The following MCPH1 variants were observed in gnomAD, a reference collection of about 807,000 sequenced individuals.
MCPH1 encodes the protein microcephalin 1, also known as microcephalin.
MCPH1 carries 104 observed loss-of-function variants against 84.5 expected under a neutral mutation model. That is an observed-to-expected ratio of 1.23 (90% CI 1.05 to 1.45). MCPH1 has a LOEUF of 1.45. Ranked by LOEUF, MCPH1 falls within the 40% of genes most tolerant of loss-of-function variation. The pLI is 0.00. For synonymous variants in MCPH1, 514 were observed against 366.8 expected (o/e 1.40, Z -4.58); for missense variants, 1,498 against 1,005.7 (o/e 1.49, Z -6.62).
chr8:6,593,529 T>C (rs762042378), intron 12 of MCPH1, among the ~76,000 whole-genome samples: 1 of 152,048 alleles, frequency 6.6e-6, no homozygotes, highest in Non-Finnish European at 1.5e-5. Context: ...TAATTTTGTA[T>C]TTTTAATAAA....
intron 12 of MCPH1, chr8:6,507,879 G>C (rs972821612): frequency 6.6e-6 from 1 of 151,916 alleles, no homozygotes; most frequent in African/African-American, 2.4e-5. Flanking sequence ...CACCGGGCCC[G>C]GCCAGAAAAA....
rs1805547480 is a variant in MCPH1, at chr8:6,455,225, A to G, written c.1908A>G (p.Glu636=). The change falls in exon 9 of 14, where the codon GAA becomes GAG. Residue 636 remains glutamate (E), a synonymous_variant. Transcript: ENST00000344683. ...GFKDLIKPHE[E]LKKSGRGKKP... Reference sequence around the variant, plus strand: ...AGGACCTCATCAAACCTCATGAGGAATTGAAGAAAAGTGGGAGAGGCAAAA... The same window carrying G: ...AGGACCTCATCAAACCTCATGAGGAGTTGAAGAAAAGTGGGAGAGGCAAAA... The G allele has an allele frequency of 6.2e-7, 1 of 1,613,582 alleles. No individual in the cohort carries two copies. Among genetic ancestry groups the G allele is most frequent in the African/African-American group, 1.3e-5 (1 of 74,942 alleles).
At chr8:6,435,265 T>G (rs939279306) in intron 4 of MCPH1, among the ~76,000 whole-genome samples, 2 of 152,158 alleles carry the variant, frequency 1.3e-5, no homozygotes, top group African/African-American at 4.8e-5. Context: ...GTGAGAATAG[T>G]GCTACCAAGC....
intron 12 of MCPH1, among the ~76,000 whole-genome samples, chr8:6,557,819 C>T (rs1477705776): frequency 3.3e-5 from 5 of 152,022 alleles, no homozygotes; most frequent in Admixed American, 2.0e-4. Context: ...ACAGTCTGTC[C>T]GTGTTCATGA....
chr8:6,505,307 A>T lies in MCPH1; in HGVS notation c.2214+5378A>T, dbSNP rs1262469095. Among the ~76,000 whole-genome samples the T allele has an allele frequency of 2.7e-3, 123 of 45,556 alleles. 4 individuals carry two copies. Among genetic ancestry groups the T allele is most frequent in the African/African-American group, 0.012 (98 of 8,176 alleles). 29.9% of individuals were successfully genotyped at this position (45,556 alleles called of 152,430 possible). Reference sequence around the variant, plus strand: ...ATATGTTATATACATATATATGTATATAACATATATATGTTATATACATAT... The same window carrying T: ...ATATGTTATATACATATATATGTATTTAACATATATATGTTATATACATAT... On this transcript the variant is annotated intron_variant, in intron 12 of 13. Transcript: ENST00000344683.
chr8:6,445,013 C>A lies in MCPH1; in HGVS notation c.1291C>A (p.Pro431Thr), dbSNP rs376658910. ...LKERYSENLP[P>T]ESQLPSSPAQ... is the part of the protein sequence containing the mutation. ...GGAAAGGTATTCAGAGAATCTTCCT[C>A]CTGAATCTCAGCTGCCATCAAGCCC... Residue 431 changes from proline (P) to threonine (T), a missense_variant, in exon 8 of 14, where the codon CCT becomes ACT. Coordinates refer to ENST00000344683, the MANE Select transcript of MCPH1 (RefSeq NM_024596.5). 4 of 1,614,204 alleles carry A rather than the reference C, an allele frequency of 2.5e-6. No individual in the cohort carries two copies. The Admixed American group carries it at 6.7e-5, about 27-fold the overall frequency.
rs189933566 is a variant in MCPH1 at position 6,641,277 on chromosome 8, G to T, written c.2453-1717G>T. On this transcript the variant is annotated intron_variant, in intron 13 of 13. Transcript: ENST00000344683. The stretch of plus-strand genomic sequence containing the variant: ...ACTAAGTGTAAAAATTGAATCCATA[G>T]AGTTTTTACAACCTGGAAGAAAATA... Among the ~76,000 whole-genome samples, 4 of 152,256 alleles carry T rather than the reference G, an allele frequency of 2.6e-5. No individual in the cohort carries two copies. The East Asian group carries it at 7.7e-4, about 29-fold the overall frequency.
intron 13 of MCPH1, chr8:6,626,895 G>A (rs944202920): frequency 1.7e-5 from 17 of 984,370 alleles, no homozygotes; most frequent in East Asian, 1.1e-4. Flanking sequence ...ACTCTCAGGC[G>A]CCCTTTTATT....
rs3214738 is a variant in MCPH1 at position 6,415,019 on chromosome 8, TG to T, written c.233+137del. 641,648 of 860,034 alleles carry T rather than the reference TG, an allele frequency of 0.75. 247,802 individuals are homozygous for T. The highest frequency in any genetic ancestry group is 0.81 in the Admixed American group (34,781 of 43,168). 53.3% of individuals were successfully genotyped at this position (860,034 alleles called of 1,614,324 possible). On this transcript the variant is annotated intron_variant, in intron 3 of 13. Transcript: ENST00000344683. Reference sequence around the variant, plus strand: ...CTGCCTCTTACCTCACCTAGTAATTTGAAATCCTCCAGCCTCAATTTCTGTG... The same window carrying T: ...CTGCCTCTTACCTCACCTAGTAATTTAAATCCTCCAGCCTCAATTTCTGTG...
At chr8:6,631,616 A>G (rs1426639852) in intron 13 of MCPH1, among the ~76,000 whole-genome samples, 2 of 152,098 alleles carry the variant, frequency 1.3e-5, no homozygotes, top group East Asian at 3.9e-4. Flanking sequence ...ACAATGAGAT[A>G]GCACCTCAGC....
intron 12 of MCPH1, among the ~76,000 whole-genome samples, chr8:6,572,812 A>G (rs1826769810): frequency 6.6e-6 from 1 of 152,236 alleles, no homozygotes. Flanking sequence ...ATGCACAAGC[A>G]CTGCTGCCTA....
Position 6,522,179 on chromosome 8 carries a change from C to T in MCPH1, c.2214+22250C>T, listed in dbSNP as rs150230282. 9.3e-3 allele frequency among the ~76,000 whole-genome samples: 1,414 copies of T among 151,956 alleles called. 26 individuals carry two copies. The highest frequency in any genetic ancestry group is 0.032 in the African/African-American group (1,345 of 41,444). On this transcript the variant is annotated intron_variant, in intron 12 of 13. Transcript: ENST00000344683. ...GAGTATCCTGGCTAACACGGTGAAA[C>T]CCCGTCTCCACTAAAAATACAAAAA...
At chr8:6,407,632 G>C (rs1797930172) in intron 1 of MCPH1, among the ~76,000 whole-genome samples, 1 of 152,180 alleles carries the variant, frequency 6.6e-6, no homozygotes, top group Admixed American at 6.5e-5. Context: ...TTTATACAAA[G>C]TCTGTAATCA....
At chr8:6,524,335 G>C (rs919434945) in intron 12 of MCPH1, among the ~76,000 whole-genome samples, 9 of 152,162 alleles carry the variant, frequency 5.9e-5, no homozygotes, top group Non-Finnish European at 1.2e-4. Context: ...TTAGAAGCTG[G>C]TGAAATATTC....
At chr8:6,529,453 CTTTTTTTTTTT>C (rs200029751) in intron 12 of MCPH1, among the ~76,000 whole-genome samples, 1 of 136,034 alleles carries the variant, frequency 7.4e-6, no homozygotes, top group East Asian at 2.1e-4. Flanking sequence ...AGCCATTTTT[CTTTTTTTTTTT>C]TTTTTGAGAC....
In MCPH1 at chr8:6,623,013, CTT is replaced by C. The variant is rs1164226735; in HGVS notation, c.2452+1341_2452+1342del. 6.9e-3 allele frequency among the ~76,000 whole-genome samples: 756 copies of C among 109,888 alleles called. 8 individuals are homozygous for C. Among genetic ancestry groups the C allele is most frequent in the African/African-American group, 0.025 (710 of 27,950 alleles). The allele number at this position is 109,888 out of a possible 152,430, so 72.1% of individuals were successfully genotyped here. A position where few individuals can be genotyped will look rare whatever the true frequency, so the allele number is the denominator to read the frequency against. ...ACACCACGATGCCCAGCTTTACTTT[CTT>C]TTTTTTTTTTTTTTTTTTGTAGAGA... is the stretch of plus-strand genomic sequence containing the variant. On this transcript the variant is annotated intron_variant, in intron 13 of 13. Coordinates refer to ENST00000344683, the MANE Select transcript of MCPH1 (RefSeq NM_024596.5).
At chr8:6,602,292 C>T (rs1227603379) in intron 12 of MCPH1, among the ~76,000 whole-genome samples, 1 of 152,160 alleles carries the variant, frequency 6.6e-6, no homozygotes, top group East Asian at 1.9e-4. Flanking sequence ...CGGGCTGGAG[C>T]AGGAGAGGGA....
intron 12 of MCPH1, chr8:6,503,137 C>G: frequency 6.2e-7 from 1 of 1,614,186 alleles, no homozygotes; most frequent in Non-Finnish European, 8.5e-7. Flanking sequence ...TGGTTGTGGC[C>G]TTGAGCGAAT....
At chr8:6,568,466 G>C (rs1826397025) in intron 12 of MCPH1, among the ~76,000 whole-genome samples, 1 of 152,286 alleles carries the variant, frequency 6.6e-6, no homozygotes, top group African/African-American at 2.4e-5. Context: ...GAATTTGCTT[G>C]TGGGCCCCGT....
Sources: allele counts gnomAD v4.1 joint callset (sites outside exome capture counted in the v4.1 genomes callset), GRCh38; gene constraint gnomAD v4.1.1; transcripts MANE v1.5; gene names NCBI Gene and HGNC (gene_info 2026-07-23, HGNC 2026-07-21).